The following SHQ1 variants were observed in gnomAD, a reference collection of about 807,000 sequenced individuals.
SHQ1 encodes the protein protein SHQ1 homolog.
A neutral mutation model predicts 53.8 loss-of-function variants in SHQ1; 49 were observed. The observed-to-expected ratio is 0.91, with a 90% CI of 0.72 to 1.16. SHQ1 has a LOEUF of 1.16. SHQ1 is among the 50% of genes most tolerant of loss of function. The pLI is 0.00. For missense variants in SHQ1, 738 were observed against 683.1 expected (o/e 1.08, Z -0.90); for synonymous variants, 243 against 251.0 (o/e 0.97, Z 0.30).
intron 4 of SHQ1, among the ~76,000 whole-genome samples, chr3:72,835,117 T>C (rs1707950445): frequency 6.6e-6 from 1 of 151,392 alleles, no homozygotes; most frequent in African/African-American, 2.4e-5. Flanking sequence ...TTTTTTTTTT[T>C]TTTTTTTGAG....
intron 5 of SHQ1, among the ~76,000 whole-genome samples, chr3:72,825,699 T>C (rs1707630684): frequency 1.3e-5 from 2 of 152,206 alleles, no homozygotes; most frequent in Non-Finnish European, 2.9e-5. Flanking sequence ...GAAAATTTTA[T>C]TTATATTTTA....
In SHQ1 at chr3:72,774,463, T is replaced by C. The variant is rs186968548; in HGVS notation, c.1181+18453A>G. Among the ~76,000 whole-genome samples the C allele has an allele frequency of 5.6e-3, 843 of 151,452 alleles. 9 individuals are homozygous for C. The highest frequency in any genetic ancestry group is 0.018 in the African/African-American group (751 of 40,804). The stretch of plus-strand genomic sequence containing the variant: ...GACATAAAATTAATCTCAACAAATT[T>C]CTAAACAATGATATAATTCTCTGGC... On this transcript the variant is annotated intron_variant, in intron 10 of 10. Coordinates refer to ENST00000325599, the MANE Select transcript of SHQ1 (RefSeq NM_018130.3).
intron 9 of SHQ1, among the ~76,000 whole-genome samples, chr3:72,797,326 G>C (rs1706656282): frequency 6.6e-6 from 1 of 152,006 alleles, no homozygotes; most frequent in Admixed American, 6.6e-5. Context: ...GATATTAACA[G>C]TATCTGTCTC....
the SHQ1 span, among the ~76,000 whole-genome samples, chr3:72,740,783 C>T: frequency 2.0e-5 from 3 of 152,118 alleles, no homozygotes; most frequent in Non-Finnish European, 4.4e-5. Context: ...CATCCTTTTA[C>T]GCCCAGCCAC....
At chr3:72,828,420 C>T (rs528060127) in intron 5 of SHQ1, among the ~76,000 whole-genome samples, 3 of 152,014 alleles carry the variant, frequency 2.0e-5, no homozygotes, top group Admixed American at 6.5e-5. Context: ...GTGGGTTGGG[C>T]GTGGTGGCTC....
chr3:72,844,522 C>G, intron 1 of SHQ1, 99 bp from the exon 2 acceptor site: 1 of 911,604 alleles, frequency 1.1e-6, no homozygotes, highest in Non-Finnish European at 1.8e-6. Context: ...ATATATCAAT[C>G]ATTTTTTAAG....
At chr3:72,843,033 C>T (rs958536173) in intron 2 of SHQ1, among the ~76,000 whole-genome samples, 84 of 150,674 alleles carry the variant, frequency 5.6e-4, no homozygotes, top group Admixed American at 1.1e-3. Flanking sequence ...GCCGAGATCG[C>T]GCCACTGCAC....
chr3:72,772,401 G>A (rs952928427), intron 10 of SHQ1: 1 of 348,674 alleles, frequency 2.9e-6, no homozygotes, highest in Non-Finnish European at 5.5e-6. Flanking sequence ...TTGTCCTGCA[G>A]GCAAACCATC....
chr3:72,739,331 C>T, the SHQ1 span, among the ~76,000 whole-genome samples: 9 of 151,956 alleles, frequency 5.9e-5, no homozygotes, highest in Non-Finnish European at 1.3e-4. Flanking sequence ...CCCCCAGGTG[C>T]GAGTGATTCA....
chr3:72,821,491 T>C (rs1457951651), intron 6 of SHQ1, among the ~76,000 whole-genome samples: 1 of 152,162 alleles, frequency 6.6e-6, no homozygotes, highest in Non-Finnish European at 1.5e-5. Context: ...CTCAGGGCTG[T>C]GATGAAAACG....
At chr3:72,833,515 CAGAT>C (rs1322136578) in intron 4 of SHQ1, among the ~76,000 whole-genome samples, 93 of 141,908 alleles carry the variant, frequency 6.6e-4, no homozygotes, top group African/African-American at 2.0e-3. Flanking sequence ...GACAGACAGA[CAGAT>C]AGATGGATGA....
chr3:72,848,066 C>A, intron 1 of SHQ1, 132 bp downstream of exon 1: 2 of 1,119,988 alleles, frequency 1.8e-6, no homozygotes, highest in Non-Finnish European at 2.6e-6. Flanking sequence ...TCCCTGGCAC[C>A]AAGAGAAGCT....
the SHQ1 span, among the ~76,000 whole-genome samples, chr3:72,741,207 G>T: frequency 6.6e-6 from 1 of 152,186 alleles, no homozygotes; most frequent in East Asian, 1.9e-4. Context: ...TCAAGTTCAA[G>T]CTCAATCCAG....
intron 10 of SHQ1, among the ~76,000 whole-genome samples, chr3:72,757,185 A>G (rs1705514276): frequency 6.6e-6 from 1 of 152,220 alleles, no homozygotes; most frequent in South Asian, 2.1e-4. Context: ...GCCCAAACCT[A>G]GAAGCCTGCC....
At chr3:72,730,100 G>A in the SHQ1 span, among the ~76,000 whole-genome samples, 1 of 151,676 alleles carries the variant, frequency 6.6e-6, no homozygotes, top group African/African-American at 2.4e-5. Context: ...TTACAGGCGT[G>A]AGCCACCGTG....
Position 72,750,759 on chromosome 3 carries a change from TC to T in SHQ1, c.1258del (p.Glu420LysfsTer3). On this transcript the variant is annotated frameshift_variant, in exon 11 of 11. Coordinates refer to ENST00000325599, the MANE Select transcript of SHQ1 (RefSeq NM_018130.3). LOFTEE classifies it low-confidence loss of function (END_TRUNC). ...LTKAQLGLEL[E>X]ELEAAALLVQ... ...AAGCAGTGCTGCTGCTTCTAGTTCT[TC>T]CAGTTCTAACCCCAGCTGGGCCTTT... 6 of 1,552,250 alleles carry T rather than the reference TC, an allele frequency of 3.9e-6. No individual in the cohort carries two copies. The highest frequency in any genetic ancestry group is 5.2e-6 in the Non-Finnish European group (6 of 1,147,270).
chr3:72,751,287 C>T (rs1278254884), intron 10 of SHQ1, among the ~76,000 whole-genome samples: 1 of 151,898 alleles, frequency 6.6e-6, no homozygotes, highest in Non-Finnish European at 1.5e-5. Context: ...TGGCAGGCAC[C>T]TGTAATCCCA....
chr3:72,785,130 T>A (rs558048729), intron 10 of SHQ1, among the ~76,000 whole-genome samples: 2 of 152,320 alleles, frequency 1.3e-5, no homozygotes, highest in South Asian at 2.1e-4. Context: ...CCATCCTCCA[T>A]GTGCAGTGAG....
intron 10 of SHQ1, among the ~76,000 whole-genome samples, chr3:72,790,910 C>T (rs73093250): frequency 0.04 from 6,139 of 152,188 alleles, 185 homozygotes; most frequent in Middle Eastern, 0.16. Context: ...ATACATTATC[C>T]CATTTTTTAA....
Sources: gnomAD v4.1 joint callset for allele counts (sites outside exome capture counted in the v4.1 genomes callset) on GRCh38, gnomAD v4.1.1 for gene constraint, MANE v1.5 for transcripts, NCBI Gene and HGNC (gene_info 2026-07-23, HGNC 2026-07-21) for gene names.